Variants in AMACR observed in about 807,000 individuals in gnomAD.
AMACR encodes the protein alpha-methylacyl-CoA racemase.
A neutral mutation model predicts 22.2 loss-of-function variants in AMACR; 18 were observed. That is an observed-to-expected ratio of 0.81 (90% CI 0.56 to 1.20). The LOEUF is 1.20. Among genes scored for constraint, AMACR ranks in the 50% most tolerant of loss-of-function variants. The probability of loss-of-function intolerance (pLI) is 0.00; values close to 1 mark genes in which losing one functional copy is unlikely to be tolerated. For synonymous variants in AMACR, 213 were observed against 191.3 expected (o/e 1.11, Z -0.94); for missense variants, 499 against 490.6 (o/e 1.02, Z -0.16).
In AMACR at chr5:33,994,947, T is replaced by C. The variant is rs112532885; in HGVS notation, c.739+3694A>G. 2.6e-5 allele frequency among the ~76,000 whole-genome samples: 4 copies of C among 152,332 alleles called. 1 individual carries two copies. The highest frequency in any genetic ancestry group is 9.6e-5 in the African/African-American group (4 of 41,580). The stretch of plus-strand genomic sequence containing the variant: ...ATATGAAAAATGAGCACTCCACACA[T>C]ACAGCAGTGCTTCTTCATCCGAGGT... On this transcript the variant is annotated intron_variant, in intron 4 of 4. Transcript: ENST00000335606.
intron 3 of AMACR, among the ~76,000 whole-genome samples, chr5:34,002,654 T>A (rs1753852497): frequency 6.6e-6 from 1 of 152,206 alleles, no homozygotes; most frequent in South Asian, 2.1e-4. Context: ...TCAATGCCAA[T>A]GATAGTAGCA....
chr5:33,997,591 T>C (rs1753682726), intron 4 of AMACR: 2 of 761,102 alleles, frequency 2.6e-6, no homozygotes, highest in East Asian at 2.4e-5. Context: ...GCAGTGTTCA[T>C]GGCTCCACAG....
chr5:33,989,291 G>A lies in AMACR; in HGVS notation c.951C>T (p.Thr317=), dbSNP rs779154363. Reference sequence around the variant, plus strand: ...GGGGGCTCACGTCCTGCTCCTCACTGGTGATAAACGAGCCCCGTTCCTTGT... The same window carrying A: ...GGGGGCTCACGTCCTGCTCCTCACTAGTGATAAACGAGCCCCGTTCCTTGT... ...DHNKERGSFI[T]SEEQDVSPRP... Residue 317 remains threonine (T), a synonymous_variant, in exon 5 of 5, where the codon ACC becomes ACT. Transcript: ENST00000335606. The A allele has an allele frequency of 3.1e-6, 5 of 1,614,104 alleles. No homozygotes were observed. In the South Asian group the frequency reaches 5.5e-5, roughly 18 times the overall value.
At position 33,989,065 on chromosome 5, in the gene AMACR, A is replaced by G. The variant is rs763280369; in HGVS notation, c.*28T>C. On this transcript the variant is annotated 3_prime_UTR_variant, in exon 5 of 5. Transcript: ENST00000335606. ...ACTCTACACTGTAAATGCAGTATTC[A>G]AATTCACTTGAGCCGTGGGCCTGGA... The G allele has an allele frequency of 2.5e-6, 4 of 1,613,912 alleles. No individual in the cohort carries two copies. In the South Asian group the frequency reaches 4.4e-5, roughly 18 times the overall value.
intron 4 of AMACR, chr5:33,997,548 A>G (rs752482520): frequency 5.1e-6 from 4 of 778,302 alleles, no homozygotes; most frequent in Middle Eastern, 2.3e-4. Flanking sequence ...CAGAAAATGA[A>G]TATCATTTGC....
intron 3 of AMACR, among the ~76,000 whole-genome samples, chr5:34,004,094 C>T (rs1753897520): frequency 6.6e-6 from 1 of 152,220 alleles, no homozygotes; most frequent in African/African-American, 2.4e-5. Context: ...GATATCAGAG[C>T]ATCCCCTATA....
Position 33,990,164 on chromosome 5 carries a change from C to T in AMACR, c.740-662G>A, listed in dbSNP as rs114229658. 3.9e-3 allele frequency among the ~76,000 whole-genome samples: 592 copies of T among 152,248 alleles called. 1 individual carries two copies. The highest frequency in any genetic ancestry group is 0.014 in the African/African-American group (572 of 41,536). The stretch of plus-strand genomic sequence containing the variant: ...ATCCATCATCCATCCACCCATCCAT[C>T]CATCCATACAAACATACATACATTT... On this transcript the variant is annotated intron_variant, in intron 4 of 4. Coordinates refer to ENST00000335606, the MANE Select transcript of AMACR (RefSeq NM_014324.6).
At chr5:33,992,518 G>A (rs563132861) in intron 4 of AMACR, among the ~76,000 whole-genome samples, 1 of 152,022 alleles carries the variant, frequency 6.6e-6, no homozygotes, top group African/African-American at 2.4e-5. Flanking sequence ...GACCAACCTG[G>A]GCAACTTAGT....
intron 4 of AMACR, chr5:33,997,447 T>C (rs371985040): frequency 1.3e-6 from 1 of 778,710 alleles, no homozygotes; most frequent in African/African-American, 1.7e-5. Context: ...TGCTTCACAC[T>C]GACGAGGGTT....
At chr5:34,001,336 G>A (rs541694183) in intron 3 of AMACR, among the ~76,000 whole-genome samples, 30 of 152,316 alleles carry the variant, frequency 2.0e-4, no homozygotes, top group Non-Finnish European at 2.9e-4. Flanking sequence ...ACTTATGGAC[G>A]GAAAATGATG....
chr5:33,999,650 G>C (rs574042020), intron 3 of AMACR, among the ~76,000 whole-genome samples: 12 of 152,316 alleles, frequency 7.9e-5, no homozygotes, highest in Non-Finnish European at 1.6e-4. Context: ...CAGGAGGAAG[G>C]CCTTCAAAGC....
Position 33,988,722 on chromosome 5 carries a change from C to T in AMACR, c.*371G>A, listed in dbSNP as rs1753376077. On this transcript the variant is annotated 3_prime_UTR_variant, in exon 5 of 5. Transcript: ENST00000335606. ...ATTTGTGGCATTTCCTCATTTTCTA[C>T]ATTGTAGAATCAAGAGTGTAAATAA... 8.4e-7 allele frequency: 1 copy of T among 1,195,580 alleles called. No homozygotes were observed. The highest frequency in any genetic ancestry group is 1.0e-6 in the Non-Finnish European group (1 of 960,654). 74.1% of individuals were successfully genotyped at this position (1,195,580 alleles called of 1,614,324 possible). A position where few individuals can be genotyped will look rare whatever the true frequency, so the allele number is the denominator to read the frequency against.
In AMACR at chr5:33,988,828, C is replaced by A; in HGVS notation, c.*265G>T. 7.6e-7 allele frequency: 1 copy of A among 1,309,238 alleles called. No homozygotes were observed. Among genetic ancestry groups the A allele is most frequent in the African/African-American group, 1.5e-5 (1 of 67,366 alleles). The allele number at this position is 1,309,238 out of a possible 1,614,324, so 81.1% of individuals were successfully genotyped here. On this transcript the variant is annotated 3_prime_UTR_variant, in exon 5 of 5. Transcript: ENST00000335606. ...AAATATAAGTCAAGAATCTTAATAT[C>A]AACAAATATATCAAGCAAACTGGAA...
Position 33,987,526 on chromosome 5 carries a change from ACG to A in AMACR, c.*1565_*1566del, listed in dbSNP as rs1356781817. ...TGAAACTCAACATCTGTCAGACATC[ACG>A]TGAACTACTAGTGAGGTAGTTCATT... On this transcript the variant is annotated 3_prime_UTR_variant, in exon 5 of 5. Transcript: ENST00000335606. The A allele has an allele frequency of 9.2e-5, 14 of 152,264 alleles. No individual in the cohort carries two copies. The highest frequency in any genetic ancestry group is 3.4e-4 in the African/African-American group (14 of 41,470). 9.4% of individuals were successfully genotyped at this position (152,264 alleles called of 1,614,324 possible).
chr5:34,004,801 G>C (rs1753923924), intron 2 of AMACR, 67 bp from the exon 3 acceptor site: 2 of 1,518,980 alleles, frequency 1.3e-6, no homozygotes, highest in Non-Finnish European at 1.8e-6. Flanking sequence ...AAATATGTGA[G>C]CATCTTAGAG....
At position 33,988,929 on chromosome 5, in the gene AMACR, A is replaced by G; in HGVS notation, c.*164T>C. 3 of 1,443,486 alleles carry G rather than the reference A, an allele frequency of 2.1e-6. No homozygotes were observed. In the South Asian group the frequency reaches 4.5e-5, roughly 22 times the overall value. 89.4% of individuals were successfully genotyped at this position (1,443,486 alleles called of 1,614,324 possible). On this transcript the variant is annotated 3_prime_UTR_variant, in exon 5 of 5. Transcript: ENST00000335606. ...AAAAGCCCTAATGATAACCATTTTT[A>G]GAATTCAATCATCACTGTAGAATCA...
Position 34,006,050 on chromosome 5 carries a change from CAA to C in AMACR, c.248-153_248-152del. The C allele has an allele frequency of 7.7e-6, 7 of 904,502 alleles. No homozygotes were observed. The South Asian group carries it at 1.2e-4, about 15-fold the overall frequency. 56.0% of individuals were successfully genotyped at this position (904,502 alleles called of 1,614,324 possible). A position where few individuals can be genotyped will look rare whatever the true frequency, so the allele number is the denominator to read the frequency against. On this transcript the variant is annotated intron_variant, in intron 1 of 4. Transcript: ENST00000335606. ...GGCATGTTTACAGCAGTTAAGGACT[CAA>C]AGAGTGAAGCCACCATTTCTGGAAT...
At chr5:33,996,369 T>C (rs539709804) in intron 4 of AMACR, among the ~76,000 whole-genome samples, 1 of 152,304 alleles carries the variant, frequency 6.6e-6, no homozygotes, top group African/African-American at 2.4e-5. Context: ...CAGGGCAGTA[T>C]GAATGCCTGG....
At chr5:33,996,059 A>G (rs1753623184) in intron 4 of AMACR, among the ~76,000 whole-genome samples, 1 of 152,066 alleles carries the variant, frequency 6.6e-6, no homozygotes, top group Admixed American at 6.6e-5. Flanking sequence ...TCCCCAGAGA[A>G]CTGTCATTAT....
Sources: gnomAD v4.1 joint callset for allele counts (sites outside exome capture counted in the v4.1 genomes callset) on GRCh38, gnomAD v4.1.1 for gene constraint, MANE v1.5 for transcripts, NCBI Gene and HGNC (gene_info 2026-07-23, HGNC 2026-07-21) for gene names.